The following TACC2 variants were observed in gnomAD, a reference collection of about 807,000 sequenced individuals.
TACC2 encodes the protein transforming acidic coiled-coil containing protein 2.
TACC2 carries 137 observed loss-of-function variants against 227.3 expected under a neutral mutation model. That is an observed-to-expected ratio of 0.60 (90% confidence interval 0.52 to 0.69). TACC2 has a LOEUF of 0.69. Ranked by LOEUF, TACC2 falls within the 30% of genes least tolerant of loss-of-function variation. The pLI, the probability that TACC2 is intolerant of heterozygous loss-of-function variation, is 0.00. For synonymous variants in TACC2, 1,523 were observed against 1,487.5 expected (o/e 1.02, Z -0.55); for missense variants, 3,470 against 3,694.4 (o/e 0.94, Z 1.57).
intron 5 of TACC2, among the ~76,000 whole-genome samples, chr10:122,097,790 C>T (rs1387470580): frequency 6.6e-6 from 1 of 152,190 alleles, no homozygotes; most frequent in Non-Finnish European, 1.5e-5. Flanking sequence ...AGATGAGACA[C>T]GGCACACCCG....
intron 2 of TACC2, among the ~76,000 whole-genome samples, chr10:122,024,411 G>A (rs553379873): frequency 1.3e-5 from 2 of 152,230 alleles, no homozygotes; most frequent in Non-Finnish European, 2.9e-5. Context: ...CCATTACTTA[G>A]TTTTCCTCAA....
At chr10:122,116,288 C>T (rs2084683593) in intron 5 of TACC2, among the ~76,000 whole-genome samples, 1 of 152,180 alleles carries the variant, frequency 6.6e-6, no homozygotes. Context: ...GCTCTGTCCC[C>T]ATCCCTCTGT....
intron 22 of TACC2, among the ~76,000 whole-genome samples, chr10:122,251,755 A>G (rs1402916643): frequency 6.6e-6 from 1 of 152,220 alleles, no homozygotes; most frequent in African/African-American, 2.4e-5. Context: ...CATTTTGGCT[A>G]TTGTAGCAGT....
At chr10:122,229,538 A>G in intron 15 of TACC2, 52 bp downstream of exon 15, 1 of 1,604,688 alleles carries the variant, frequency 6.2e-7, no homozygotes, top group Non-Finnish European at 8.5e-7. Context: ...CTCAGTAGAG[A>G]ATGAACCCCC....
chr10:122,196,739 A>G (rs1372277751), intron 8 of TACC2, among the ~76,000 whole-genome samples: 1 of 152,080 alleles, frequency 6.6e-6, no homozygotes, highest in Non-Finnish European at 1.5e-5. Flanking sequence ...GATGGAGACC[A>G]TCCTGGCCAA....
intron 16 of TACC2, among the ~76,000 whole-genome samples, chr10:122,234,175 C>A (rs2095813742): frequency 6.6e-6 from 1 of 152,226 alleles, no homozygotes; most frequent in African/African-American, 2.4e-5. Flanking sequence ...ACAGTGCTAG[C>A]CCCTCCCCTC....
chr10:122,114,065 A>C (rs1300014779), intron 5 of TACC2, among the ~76,000 whole-genome samples: 2 of 152,236 alleles, frequency 1.3e-5, no homozygotes, highest in Admixed American at 1.3e-4. Flanking sequence ...AGAATGTGAT[A>C]GCGGGTTGAA....
chr10:122,042,090 C>T (rs1407315757), intron 2 of TACC2, among the ~76,000 whole-genome samples: 2 of 151,690 alleles, frequency 1.3e-5, no homozygotes, highest in Non-Finnish European at 2.9e-5. Context: ...GGACCACAGG[C>T]GCCCGCGACC....
intron 5 of TACC2, among the ~76,000 whole-genome samples, chr10:122,102,275 A>G (rs2082259311): frequency 1.3e-5 from 2 of 152,178 alleles, no homozygotes; most frequent in African/African-American, 2.4e-5. Context: ...TGGGGGTAGT[A>G]CATTTTCAAA....
intron 8 of TACC2, among the ~76,000 whole-genome samples, chr10:122,202,693 G>C (rs1490537079): frequency 8.4e-6 from 1 of 118,806 alleles, no homozygotes; most frequent in African/African-American, 2.8e-5. Context: ...ATCATTCTTG[G>C]GTGTTTCTCG....
At chr10:122,202,936 A>ACATGTTGGATACAT (rs2094926012) in intron 8 of TACC2, among the ~76,000 whole-genome samples, 2 of 151,298 alleles carry the variant, frequency 1.3e-5, no homozygotes. Flanking sequence ...TTCAACCCTG[A>ACATGTTGGATACAT]GTGGATACAG....
intron 5 of TACC2, among the ~76,000 whole-genome samples, chr10:122,112,650 T>C (rs1160721392): frequency 6.6e-6 from 1 of 152,126 alleles, no homozygotes; most frequent in Non-Finnish European, 1.5e-5. Flanking sequence ...TGGCCGGTAC[T>C]TGACCTTCCC....
chr10:122,058,396 C>T (rs2076423811), intron 3 of TACC2, among the ~76,000 whole-genome samples: 1 of 152,034 alleles, frequency 6.6e-6, no homozygotes. Context: ...AGCCTGCAGG[C>T]TGCAACCCTT....
chr10:122,220,334 A>C (rs568827635), intron 11 of TACC2, among the ~76,000 whole-genome samples: 49 of 152,342 alleles, frequency 3.2e-4, no homozygotes, highest in Non-Finnish European at 5.1e-4. Context: ...GGTTTGGAAC[A>C]AAACTTGGTT....
chr10:122,145,970 C>G (rs1158651278), intron 7 of TACC2, among the ~76,000 whole-genome samples: 1 of 152,216 alleles, frequency 6.6e-6, no homozygotes, highest in African/African-American at 2.4e-5. Context: ...TGGGATTACT[C>G]TGGGCCAATC....
intron 5 of TACC2, among the ~76,000 whole-genome samples, chr10:122,095,754 C>A (rs779412242): frequency 6.6e-6 from 1 of 152,224 alleles, no homozygotes; most frequent in African/African-American, 2.4e-5. Context: ...TGTCCACCGA[C>A]GGTTCTTCAG....
chr10:122,139,862 G>T (rs1353047374), intron 6 of TACC2, among the ~76,000 whole-genome samples: 1 of 152,188 alleles, frequency 6.6e-6, no homozygotes, highest in Admixed American at 6.5e-5. Flanking sequence ...TCACCCTCCC[G>T]TGACAGCCTG....
chr10:122,095,470 C>T (rs548305654), intron 5 of TACC2, among the ~76,000 whole-genome samples: 25 of 152,342 alleles, frequency 1.6e-4, no homozygotes, highest in African/African-American at 6.0e-4. Flanking sequence ...ATTTATTCCC[C>T]ACTCTGGGCC....
chr10:122,026,160 T>C (rs966120635), intron 2 of TACC2, among the ~76,000 whole-genome samples: 1 of 97,724 alleles, frequency 1.0e-5, no homozygotes, highest in African/African-American at 3.2e-5. Context: ...CTACTAAAAA[T>C]CCAAAAAAAA....
Sources: gnomAD v4.1 joint callset for allele counts (sites outside exome capture counted in the v4.1 genomes callset) on GRCh38, gnomAD v4.1.1 for gene constraint, MANE v1.5 for transcripts, NCBI Gene and HGNC (gene_info 2026-07-23, HGNC 2026-07-21) for gene names.